Variants in TLN2 observed in about 807,000 individuals in gnomAD.
TLN2 encodes talin 2.
TLN2 carries 118 observed loss-of-function variants against 294.7 expected under a neutral mutation model. The ratio of observed to expected loss-of-function variants is 0.40; its 90% confidence interval spans 0.34 to 0.47. The LOEUF is 0.47. Ranked by LOEUF, TLN2 falls within the 20% of genes least tolerant of loss-of-function variation. The pLI is 0.84. For missense variants in TLN2, 3,083 were observed against 3,282.2 expected (o/e 0.94, Z 1.48); for synonymous variants, 1,431 against 1,304.5 (o/e 1.10, Z -2.09).
chr15:62,588,018 C>T (rs1461746069), intron 1 of TLN2, among the ~76,000 whole-genome samples: 1 of 152,060 alleles, frequency 6.6e-6, no homozygotes. Flanking sequence ...GTAGCTGGGA[C>T]TACAGGCGCC....
At chr15:62,494,910 G>A (rs2038941404) in intron 1 of TLN2, among the ~76,000 whole-genome samples, 1 of 152,146 alleles carries the variant, frequency 6.6e-6, no homozygotes, top group African/African-American at 2.4e-5. Flanking sequence ...GATGCTGCCC[G>A]CTCCCCACAC....
chr15:62,536,260 G>T (rs1228403860), intron 1 of TLN2, among the ~76,000 whole-genome samples: 2 of 152,150 alleles, frequency 1.3e-5, no homozygotes, highest in Admixed American at 6.6e-5. Flanking sequence ...TTTTAAAGCT[G>T]CTCAGGTGTT....
chr15:62,493,191 C>T (rs536072724), intron 1 of TLN2, among the ~76,000 whole-genome samples: 3 of 152,184 alleles, frequency 2.0e-5, no homozygotes, highest in Non-Finnish European at 4.4e-5. Flanking sequence ...TGGGCAAGTA[C>T]GAGTGAGCTT....
intron 1 of TLN2, among the ~76,000 whole-genome samples, chr15:62,416,042 T>C (rs910685501): frequency 6.6e-6 from 1 of 152,234 alleles, no homozygotes; most frequent in Non-Finnish European, 1.5e-5. Context: ...CTCATGCCTA[T>C]AATCCCAGCA....
intron 43 of TLN2, 55 bp from the exon 44 acceptor site, chr15:62,781,085 T>G: frequency 2.2e-6 from 3 of 1,352,662 alleles, no homozygotes; most frequent in Non-Finnish European, 3.2e-6. Context: ...GTAAATACAG[T>G]CTACACTTCA....
intron 1 of TLN2, among the ~76,000 whole-genome samples, chr15:62,426,561 TC>T (rs2034722683): frequency 6.6e-6 from 1 of 152,212 alleles, no homozygotes; most frequent in African/African-American, 2.4e-5. Flanking sequence ...GCTGGCGAAT[TC>T]TTTGTATGGT....
chr15:62,835,022 G>A (rs1355307478), intron 55 of TLN2: 1 of 152,154 alleles, frequency 6.6e-6, no homozygotes, highest in African/African-American at 2.4e-5. Context: ...AGCAATCCCT[G>A]ATGTGGCCCT....
intron 3 of TLN2, chr15:62,644,593 C>T (rs2051600009): frequency 2.2e-6 from 1 of 456,076 alleles, no homozygotes; most frequent in Non-Finnish European, 4.4e-6. Context: ...TTCTCTCCTT[C>T]CTGTCTGCTT....
chr15:62,758,140 C>G (rs930725420), intron 37 of TLN2, among the ~76,000 whole-genome samples: 1 of 152,142 alleles, frequency 6.6e-6, no homozygotes, highest in African/African-American at 2.4e-5. Context: ...TCCCAGCTGC[C>G]ACACCCTTAT....
At chr15:62,726,350 G>T (rs1227841376) in intron 27 of TLN2, among the ~76,000 whole-genome samples, 1 of 152,166 alleles carries the variant, frequency 6.6e-6, no homozygotes, top group Non-Finnish European at 1.5e-5. Flanking sequence ...TTTGTTTTCT[G>T]ATGCCTTTTT....
chr15:62,528,432 G>A (rs2040853714), intron 1 of TLN2, among the ~76,000 whole-genome samples: 2 of 152,106 alleles, frequency 1.3e-5, no homozygotes, highest in African/African-American at 4.8e-5. Context: ...AGGTCCATCA[G>A]GGTAGATGGA....
chr15:62,760,761 C>G (rs1595901216), intron 37 of TLN2, among the ~76,000 whole-genome samples: 2 of 152,142 alleles, frequency 1.3e-5, no homozygotes, highest in African/African-American at 4.8e-5. Flanking sequence ...TAGGCCTGAT[C>G]ATGCAATGCC....
intron 1 of TLN2, among the ~76,000 whole-genome samples, chr15:62,419,172 CCA>C (rs1291924972): frequency 5.9e-5 from 9 of 152,098 alleles, no homozygotes; most frequent in African/African-American, 2.2e-4. Context: ...ATAAACTATT[CCA>C]CTAATTTTTA....
chr15:62,512,588 C>T (rs956658855), intron 1 of TLN2, among the ~76,000 whole-genome samples: 5 of 152,068 alleles, frequency 3.3e-5, no homozygotes, highest in East Asian at 1.9e-4. Flanking sequence ...GTGCTCTTTC[C>T]GAGTGTACAT....
At chr15:62,396,160 C>T (rs556911915) in intron 1 of TLN2, among the ~76,000 whole-genome samples, 40 of 152,178 alleles carry the variant, frequency 2.6e-4, no homozygotes, top group African/African-American at 9.6e-4. Context: ...AAAAGAAGCC[C>T]TATGTGTATG....
At chr15:62,705,223 T>G (rs1338176246) in intron 19 of TLN2, among the ~76,000 whole-genome samples, 1 of 152,228 alleles carries the variant, frequency 6.6e-6, no homozygotes, top group East Asian at 1.9e-4. Flanking sequence ...TTGAATGTTT[T>G]CAATTGTTTA....
At position 62,564,918 on chromosome 15, in the gene TLN2, A is replaced by AT. The variant is rs1458893148; in HGVS notation, c.-237-24769_-237-24768insT. Among the ~76,000 whole-genome samples, 1,151 of 132,650 alleles carry AT rather than the reference A, an allele frequency of 8.7e-3. 10 individuals carry two copies. Among genetic ancestry groups the AT allele is most frequent in the African/African-American group, 0.014 (466 of 33,374 alleles). 87.0% of individuals were successfully genotyped at this position (132,650 alleles called of 152,430 possible). On this transcript the variant is annotated intron_variant, in intron 1 of 58. Coordinates refer to ENST00000636159, the MANE Select transcript of TLN2 (RefSeq NM_015059.3). ...AAAACTCCATCTCAAAAAAAAAAAAAAAAAAAAATATATATATATATATAC... is the reference window on the plus strand; with the variant it reads ...AAAACTCCATCTCAAAAAAAAAAAAATAAAAAAAATATATATATATATATAC...
chr15:62,410,437 A>G (rs1366174515), intron 1 of TLN2, among the ~76,000 whole-genome samples: 5 of 152,196 alleles, frequency 3.3e-5, no homozygotes, highest in African/African-American at 1.2e-4. Flanking sequence ...ACTTTACGTA[A>G]TTATACTTTA....
At chr15:62,435,160 C>CT (rs1216471581) in intron 1 of TLN2, among the ~76,000 whole-genome samples, 1 of 152,182 alleles carries the variant, frequency 6.6e-6, no homozygotes, top group Admixed American at 6.5e-5. Flanking sequence ...TTTATCCAGT[C>CT]TATCATTGAT....
Sources: gnomAD v4.1 joint callset for allele counts (sites outside exome capture counted in the v4.1 genomes callset) on GRCh38, gnomAD v4.1.1 for gene constraint, MANE v1.5 for transcripts, NCBI Gene and HGNC (gene_info 2026-07-23, HGNC 2026-07-21) for gene names.